The following ARHGEF16 variants were observed in gnomAD, a reference collection of about 807,000 sequenced individuals.
The protein encoded by ARHGEF16 is Rho guanine nucleotide exchange factor 16, also known as Rho guanine exchange factor (GEF) 16.
In ARHGEF16, 59 loss-of-function variants were observed where a neutral mutation model predicts 74.1. That is an observed-to-expected ratio of 0.80 (90% CI 0.65 to 0.99). The LOEUF (loss-of-function observed/expected upper bound fraction) is 0.99, where lower values mean the gene tolerates loss of function less well. Among genes scored for constraint, ARHGEF16 ranks in the 50% least tolerant of loss-of-function variants. The pLI is 0.00. For missense variants in ARHGEF16, 948 were observed against 986.6 expected (o/e 0.96, Z 0.52); for synonymous variants, 415 against 412.6 (o/e 1.01, Z -0.07).
chr1:3,461,702 G>A (rs533560888), intron 1 of ARHGEF16, among the ~76,000 whole-genome samples: 2 of 152,324 alleles, frequency 1.3e-5, no homozygotes, highest in East Asian at 1.9e-4. Context: ...CAACAGCCCC[G>A]CAAAGTGCCT....
Position 3,478,627 on chromosome 1 carries a change from G to C in ARHGEF16, c.1814+15G>C, listed in dbSNP as rs200358800. Reference sequence around the variant, plus strand: ...TCGGACTCCGCGTAAGTGGGCTCCCGGGAGGGCTGTTCCCAGGCCACAGGC... The same window carrying C: ...TCGGACTCCGCGTAAGTGGGCTCCCCGGAGGGCTGTTCCCAGGCCACAGGC... On this transcript the variant is annotated intron_variant, in intron 12 of 14. Coordinates refer to ENST00000378378, the MANE Select transcript of ARHGEF16 (RefSeq NM_014448.4). 2 of 1,593,170 alleles carry C rather than the reference G, an allele frequency of 1.3e-6. No homozygotes were observed. The highest frequency in any genetic ancestry group is 1.7e-6 in the Non-Finnish European group (2 of 1,167,916).
intron 1 of ARHGEF16, among the ~76,000 whole-genome samples, chr1:3,458,249 G>A (rs1256426141): frequency 6.6e-6 from 1 of 152,208 alleles, no homozygotes; most frequent in Non-Finnish European, 1.5e-5. Context: ...CAGCCAGCCT[G>A]CGGCTCCCTC....
At chr1:3,473,604 C>A (rs1305522109) in intron 8 of ARHGEF16, 82 bp downstream of exon 8, 3 of 1,582,132 alleles carry the variant, frequency 1.9e-6, no homozygotes, top group Non-Finnish European at 1.7e-6. Flanking sequence ...TGGAGCATTA[C>A]GTGCTTGTGA....
intron 8 of ARHGEF16, 156 bp downstream of exon 8, chr1:3,473,678 C>T: frequency 8.0e-7 from 1 of 1,251,126 alleles, no homozygotes; most frequent in Non-Finnish European, 1.1e-6. Flanking sequence ...GCTTTATTAA[C>T]CAGGATAACT....
chr1:3,462,367 C>G (rs1639420693), intron 1 of ARHGEF16, among the ~76,000 whole-genome samples: 1 of 152,194 alleles, frequency 6.6e-6, no homozygotes, highest in South Asian at 2.1e-4. Flanking sequence ...CATGGACAGT[C>G]CGCGACAGTC....
At chr1:3,473,717 C>T in intron 8 of ARHGEF16, 195 bp downstream of exon 8, 1 of 915,716 alleles carries the variant, frequency 1.1e-6, no homozygotes, top group Non-Finnish European at 1.6e-6. Context: ...ACAGAGCTCA[C>T]TGTGCCGGGA....
Position 3,480,484 on chromosome 1 carries a change from C to G in ARHGEF16, c.2027C>G (p.Thr676Arg), listed in dbSNP as rs765160364. Residue 676 changes from threonine (T) to arginine (R), a missense_variant, in exon 15 of 15, where the codon ACG (threonine) becomes AGG (arginine). Thr to Arg is a moderately conservative substitution (Grantham distance 71, BLOSUM62 -1). Coordinates refer to ENST00000378378, the MANE Select transcript of ARHGEF16 (RefSeq NM_014448.4). ...LYGERLRDGE[T>R]GWFPEDFARF... ...GGCGAGAGGCTCCGGGACGGAGAGA[C>G]GGGATGGTTCCCCGAGGACTTTGCC... 1 of 1,612,618 alleles carries G rather than the reference C, an allele frequency of 6.2e-7. No individual in the cohort carries two copies. Among genetic ancestry groups the G allele is most frequent in the Non-Finnish European group, 8.5e-7 (1 of 1,179,950 alleles).
intron 1 of ARHGEF16, among the ~76,000 whole-genome samples, chr1:3,460,526 C>T (rs1022020292): frequency 1.3e-5 from 2 of 152,162 alleles, no homozygotes; most frequent in Non-Finnish European, 2.9e-5. Flanking sequence ...AAATGCCCCC[C>T]AGGTAAAGTC....
At chr1:3,474,427 T>G in intron 8 of ARHGEF16, 1 of 426,648 alleles carries the variant, frequency 2.3e-6, no homozygotes, top group East Asian at 4.1e-5. Flanking sequence ...GGGCCTCCAC[T>G]GACGATTCCC....
chr1:3,461,447 G>A (rs1021433862), intron 1 of ARHGEF16, among the ~76,000 whole-genome samples: 2 of 152,194 alleles, frequency 1.3e-5, no homozygotes, highest in Non-Finnish European at 2.9e-5. Flanking sequence ...GAGAGGCAGC[G>A]TCACTTGCTC....
chr1:3,479,299 C>CTG (rs373945155), intron 12 of ARHGEF16, among the ~76,000 whole-genome samples: 108 of 152,226 alleles, frequency 7.1e-4, no homozygotes, highest in African/African-American at 2.5e-3. Flanking sequence ...GTCCAGCAGG[C>CTG]TGGGGTCTGG....
chr1:3,458,427 C>T (rs1024022133), intron 1 of ARHGEF16, among the ~76,000 whole-genome samples: 2 of 152,244 alleles, frequency 1.3e-5, no homozygotes, highest in Admixed American at 1.3e-4. Context: ...TCTGCCCTCT[C>T]AGCCCCTCCC....
intron 10 of ARHGEF16, among the ~76,000 whole-genome samples, chr1:3,477,042 G>A (rs919989920): frequency 1.3e-5 from 2 of 151,774 alleles, no homozygotes; most frequent in Admixed American, 6.5e-5. Context: ...ACATGGTCTT[G>A]AAGTTGGTCT....
rs1338973868 is a variant in ARHGEF16 at position 3,478,487 on chromosome 1, G to C, written c.1689G>C (p.Glu563Asp). The C allele has an allele frequency of 6.2e-7, 1 of 1,612,516 alleles. No homozygotes were observed. Among genetic ancestry groups the C allele is most frequent in the Non-Finnish European group, 8.5e-7 (1 of 1,179,854 alleles). Reference protein sequence around the residue: ...QMNHIQVEKIEPSELPLPGGG... With the variant: ...QMNHIQVEKIDPSELPLPGGG... ...ACCACATCCAGGTGGAGAAGATAGA[G>C]CCGTCTGAGCTCCCTCTGCCCGGGG... Residue 563 changes from glutamate to aspartate, a missense_variant, in exon 12 of 15, where the codon GAG (glutamate) becomes GAC (aspartate). Physicochemically the swap from Glu to Asp is conservative, Grantham distance 45. Transcript: ENST00000378378.
Position 3,478,428 on chromosome 1 carries a change from G to A in ARHGEF16, c.1630G>A (p.Glu544Lys). ...CGACTGCCCGTGTCTCCACAGCGAG[G>A]AGAGCTACATGGTCCAGGACTACGC... The part of the protein sequence containing the change: ...VLVVTKKKSE[E>K]SYMVQDYAQM... Residue 544 changes from glutamate (E) to lysine (K), a missense_variant, in exon 12 of 15, where the codon GAG (glutamate) becomes AAG (lysine). Physicochemically the swap from Glu to Lys is moderately conservative, Grantham distance 56. Coordinates refer to ENST00000378378, the MANE Select transcript of ARHGEF16 (RefSeq NM_014448.4). 1 of 1,593,882 alleles carries A rather than the reference G, an allele frequency of 6.3e-7. No individual in the cohort carries two copies. The highest frequency in any genetic ancestry group is 8.6e-7 in the Non-Finnish European group (1 of 1,165,926).
chr1:3,467,850 G>A (rs899967200), intron 4 of ARHGEF16, among the ~76,000 whole-genome samples: 7 of 152,104 alleles, frequency 4.6e-5, no homozygotes, highest in African/African-American at 1.4e-4. Flanking sequence ...CAGGTGGACC[G>A]GCATGTGACC....
At chr1:3,469,673 G>A in intron 6 of ARHGEF16, 80 bp downstream of exon 6, 2 of 1,562,224 alleles carry the variant, frequency 1.3e-6, no homozygotes, top group Non-Finnish European at 1.7e-6. Context: ...ACTGTCATCA[G>A]CAGGCCCCTG....
rs1038532847 is a variant in ARHGEF16 at position 3,463,661 on chromosome 1, G to A, written c.577G>A (p.Ala193Thr). The change falls in exon 2 of 15, where the codon GCC becomes ACC. Residue 193 changes from alanine (A) to threonine (T), a missense_variant. By Grantham distance (58) the Ala-to-Thr change is moderately conservative. Transcript: ENST00000378378. ...CAGCCAGCCTCATACTCGGAGCCCGGCCAAAAACAAGGTAGGGGCCTGCTC... is the reference window on the plus strand; with the variant it reads ...CAGCCAGCCTCATACTCGGAGCCCGACCAAAAACAAGGTAGGGGCCTGCTC... ...EPSQPHTRSP[A>T]KNKKTLGRKR... The A allele has an allele frequency of 3.5e-6, 5 of 1,413,170 alleles. No homozygotes were observed. The highest frequency in any genetic ancestry group is 3.7e-6 in the Non-Finnish European group (4 of 1,077,512). 87.5% of individuals were successfully genotyped at this position (1,413,170 alleles called of 1,614,324 possible). A position where few individuals can be genotyped will look rare whatever the true frequency, so the allele number is the denominator to read the frequency against.
chr1:3,461,829 A>T (rs1159389584), intron 1 of ARHGEF16, among the ~76,000 whole-genome samples: 1 of 151,992 alleles, frequency 6.6e-6, no homozygotes, highest in South Asian at 2.1e-4. Context: ...GCCTATAGTC[A>T]TGGCAGCCAG....
Sources: gnomAD v4.1 joint callset for allele counts (sites outside exome capture counted in the v4.1 genomes callset) on GRCh38, gnomAD v4.1.1 for gene constraint, MANE v1.5 for transcripts, NCBI Gene and HGNC (gene_info 2026-07-23, HGNC 2026-07-21) for gene names.